CHRNB3: variants seen among roughly 807,000 people sequenced by gnomAD.
CHRNB3 encodes the protein cholinergic receptor nicotinic beta 3 subunit, also known as neuronal acetylcholine receptor subunit beta-3.
CHRNB3 carries 37 observed loss-of-function variants against 40.6 expected under a neutral mutation model. The ratio of observed to expected loss-of-function variants is 0.91; its 90% CI spans 0.70 to 1.20. The LOEUF is 1.20. CHRNB3 is among the 50% of genes most tolerant of loss of function. The pLI is 0.00. For synonymous variants in CHRNB3, 207 were observed against 207.1 expected (o/e 1.00, Z 0.00); for missense variants, 505 against 551.2 (o/e 0.92, Z 0.84).
In CHRNB3 at chr8:42,708,806, T is replaced by C. The variant is rs1383093117; in HGVS notation, c.142T>C (p.Leu48=). 5 of 1,614,116 alleles carry C rather than the reference T, an allele frequency of 3.1e-6. No homozygotes were observed. In the South Asian group the frequency reaches 5.5e-5, roughly 18 times the overall value. ...QGYQKWVRPV[L]HSNDTIKVYF... ...TTATCAGAAATGGGTCCGCCCTGTATTACATTCTAATGACACCATAAAAGT... is the reference window on the plus strand; with the variant it reads ...TTATCAGAAATGGGTCCGCCCTGTACTACATTCTAATGACACCATAAAAGT... The change falls in exon 2 of 6, where the codon TTA becomes CTA. Residue 48 remains leucine, a synonymous_variant. Transcript: ENST00000289957.
chr8:42,706,861 A>T (rs1815930641), intron 1 of CHRNB3, among the ~76,000 whole-genome samples: 1 of 152,126 alleles, frequency 6.6e-6, no homozygotes, highest in African/African-American at 2.4e-5. Flanking sequence ...CCGGGACTCA[A>T]GCCATCCTCC....
rs768986702 is a variant in CHRNB3, at chr8:42,736,566, C to T, written c.1325C>T (p.Ser442Leu). 10 of 1,614,000 alleles carry T rather than the reference C, an allele frequency of 6.2e-6. No homozygotes were observed. Among genetic ancestry groups the T allele is most frequent in the Middle Eastern group, 1.6e-4 (1 of 6,084 alleles). The change falls in exon 6 of 6, where the codon TCG becomes TTG. Residue 442 changes from serine to leucine, a missense_variant. Transcript: ENST00000289957. ...WLFLIVSVTG[S>L]VLIFTPALKM... ...TTTCTGATAGTGTCAGTAACAGGCT[C>T]GGTTCTGATTTTTACCCCTGCTTTG...
chr8:42,703,435 A>AAAAATAT lies in CHRNB3; in HGVS notation c.53-5281_53-5280insAAATATA. 4.0e-4 allele frequency among the ~76,000 whole-genome samples: 19 copies of AAAAATAT among 47,410 alleles called. 2 individuals carry two copies. The highest frequency in any genetic ancestry group is 2.6e-3 in the South Asian group (3 of 1,136). 31.1% of individuals were successfully genotyped at this position (47,410 alleles called of 152,430 possible). A position where few individuals can be genotyped will look rare whatever the true frequency, so the allele number is the denominator to read the frequency against. On this transcript the variant is annotated intron_variant, in intron 1 of 5. Transcript: ENST00000289957. The stretch of plus-strand genomic sequence containing the variant: ...CAAGACTTCGTCTAAAAAAAAAAAA[A>AAAAATAT]ATATTTATATATATATATATATATA...
intron 5 of CHRNB3, 57 bp from the exon 6 acceptor site, chr8:42,736,427 G>T (rs1816523979): frequency 1.3e-6 from 2 of 1,587,906 alleles, no homozygotes; most frequent in South Asian, 2.3e-5. Flanking sequence ...CCCTTGAGAT[G>T]AATACAGAAC....
At position 42,697,419 on chromosome 8, in the gene CHRNB3, T is replaced by C; in HGVS notation, c.-128T>C. On this transcript the variant is annotated 5_prime_UTR_variant, in exon 1 of 6. Transcript: ENST00000289957. Reference sequence around the variant, plus strand: ...TGAGATTGTTTTATTCCACTCCAGGTGTTGCTGTCCTCTTGGGTTCCACTT... The same window carrying C: ...TGAGATTGTTTTATTCCACTCCAGGCGTTGCTGTCCTCTTGGGTTCCACTT... 1 of 720,508 alleles carries C rather than the reference T, an allele frequency of 1.4e-6. No homozygotes were observed. 44.6% of individuals were successfully genotyped at this position (720,508 alleles called of 1,614,324 possible).
chr8:42,732,039 C>T lies in CHRNB3; in HGVS notation c.732C>T (p.Cys244=). ...ATACCCTCTTTCTCATCATCCCCTG[C>T]CTGGGGCTGTCTTTCCTAACAGTTC... ...LFYTLFLIIP[C]LGLSFLTVLV... Residue 244 remains cysteine, a synonymous_variant, in exon 5 of 6, where the codon TGC becomes TGT. Coordinates refer to ENST00000289957, the MANE Select transcript of CHRNB3 (RefSeq NM_000749.5). 6.2e-7 allele frequency: 1 copy of T among 1,614,078 alleles called. No individual in the cohort carries two copies. Among genetic ancestry groups the T allele is most frequent in the Non-Finnish European group, 8.5e-7 (1 of 1,180,026 alleles).
chr8:42,714,301 C>G (rs1257322588), intron 3 of CHRNB3, among the ~76,000 whole-genome samples: 1 of 151,798 alleles, frequency 6.6e-6, no homozygotes, highest in Non-Finnish European at 1.5e-5. Flanking sequence ...TGAGACCATC[C>G]TGGCTAACAC....
Position 42,736,565 on chromosome 8 carries a change from T to G in CHRNB3, c.1324T>G (p.Ser442Ala), listed in dbSNP as rs556370872. Reference protein sequence around the residue: ...WLFLIVSVTGSVLIFTPALKM... With the variant: ...WLFLIVSVTGAVLIFTPALKM... ...CTTTCTGATAGTGTCAGTAACAGGC[T>G]CGGTTCTGATTTTTACCCCTGCTTT... The change falls in exon 6 of 6, where the codon TCG (serine) becomes GCG (alanine). Residue 442 changes from serine to alanine, a missense_variant. By Grantham distance (99) the Ser-to-Ala change is moderately conservative. Coordinates refer to ENST00000289957, the MANE Select transcript of CHRNB3 (RefSeq NM_000749.5). 1.2e-5 allele frequency: 19 copies of G among 1,614,208 alleles called. No homozygotes were observed. In the Admixed American group the frequency reaches 3.0e-4, roughly 25 times the overall value.
At chr8:42,699,154 T>G (rs1175779709) in intron 1 of CHRNB3, among the ~76,000 whole-genome samples, 1 of 152,268 alleles carries the variant, frequency 6.6e-6, no homozygotes, top group Middle Eastern at 3.2e-3. Context: ...CTTTTTGTTA[T>G]GCAAAACTAC....
At chr8:42,710,346 T>G in intron 2 of CHRNB3, 44 bp from the exon 3 acceptor site, 9 of 1,413,020 alleles carry the variant, frequency 6.4e-6, no homozygotes, top group South Asian at 1.2e-5. Flanking sequence ...CACAACTTAT[T>G]TTCACTTCAA....
intron 1 of CHRNB3, among the ~76,000 whole-genome samples, chr8:42,701,245 A>AAG (rs1454913630): frequency 1.4e-5 from 2 of 139,928 alleles, no homozygotes; most frequent in Non-Finnish European, 3.1e-5. Flanking sequence ...AAAAAAAAAA[A>AAG]GAATAAAGAG....
At chr8:42,717,400 A>G (rs988304751) in intron 3 of CHRNB3, among the ~76,000 whole-genome samples, 1 of 118,576 alleles carries the variant, frequency 8.4e-6, no homozygotes, top group African/African-American at 3.3e-5. Flanking sequence ...AAAAAAAAAA[A>G]AAAAAGCCGA....
At chr8:42,731,016 CCGCAG>C (rs1816406480) in intron 4 of CHRNB3, among the ~76,000 whole-genome samples, 1 of 135,890 alleles carries the variant, frequency 7.4e-6, no homozygotes, top group African/African-American at 2.9e-5. Context: ...CCACTGCAGT[CCGCAG>C]TCCGGCCTGG....
chr8:42,735,329 G>A (rs1338840557), intron 5 of CHRNB3, among the ~76,000 whole-genome samples: 1 of 152,182 alleles, frequency 6.6e-6, no homozygotes, highest in East Asian at 1.9e-4. Context: ...CCTGAGGTCA[G>A]CAGCTCGAGA....
At chr8:42,724,654 G>A (rs1393844854) in intron 3 of CHRNB3, among the ~76,000 whole-genome samples, 2 of 152,046 alleles carry the variant, frequency 1.3e-5, no homozygotes, top group Non-Finnish European at 2.9e-5. Context: ...GGAATGTGCT[G>A]ATTTCAGACG....
chr8:42,731,534 G>GAT, intron 4 of CHRNB3, 133 bp from the exon 5 acceptor site: 1 of 1,016,904 alleles, frequency 9.8e-7, no homozygotes, highest in Non-Finnish European at 1.4e-6. Flanking sequence ...CAGCCCGGGC[G>GAT]ATAGAGTGAG....
At chr8:42,708,059 C>T (rs1401179260) in intron 1 of CHRNB3, among the ~76,000 whole-genome samples, 7 of 152,108 alleles carry the variant, frequency 4.6e-5, no homozygotes, top group African/African-American at 1.4e-4. Context: ...GAAGAGGGAG[C>T]GTTGCAGATG....
intron 3 of CHRNB3, among the ~76,000 whole-genome samples, chr8:42,720,883 ATCC>A (rs543718361): frequency 1.5e-4 from 23 of 152,322 alleles, no homozygotes; most frequent in South Asian, 2.1e-4. Context: ...GTCATCCCCC[ATCC>A]TCCTTTGCAG....
chr8:42,716,542 G>A (rs965759343), intron 3 of CHRNB3, among the ~76,000 whole-genome samples: 3 of 152,014 alleles, frequency 2.0e-5, no homozygotes, highest in African/African-American at 7.3e-5. Flanking sequence ...GCCCAGGCTA[G>A]GGCTGCAGGC....
Sources: allele counts gnomAD v4.1 joint callset (sites outside exome capture counted in the v4.1 genomes callset), GRCh38; gene constraint gnomAD v4.1.1; transcripts MANE v1.5; gene names NCBI Gene and HGNC (gene_info 2026-07-23, HGNC 2026-07-21).